The following BICRA variants were observed in gnomAD, a reference collection of about 807,000 sequenced individuals.
BICRA encodes the protein BRD4 interacting chromatin remodeling complex associated protein.
Under a neutral mutation model 96.9 loss-of-function variants are expected in BICRA, and 31 were observed. The ratio of observed to expected loss-of-function variants is 0.32; its 90% CI spans 0.24 to 0.43. The LOEUF (loss-of-function observed/expected upper bound fraction) is 0.43. BICRA is among the 20% of genes least tolerant of loss of function. BICRA has a pLI of 1.00. For missense variants in BICRA, 2,283 were observed against 2,190.3 expected, an observed-to-expected ratio of 1.04 and a Z score of -0.84; for synonymous variants, 1,350 against 1,071.8, an observed-to-expected ratio of 1.26 and a Z score of -5.07.
At chr19:47,634,983 C>T (rs1054471583) in intron 1 of BICRA, among the ~76,000 whole-genome samples, 4 of 151,916 alleles carry the variant, frequency 2.6e-5, no homozygotes, top group South Asian at 2.1e-4. Context: ...AAGATGGTCT[C>T]GATCTCCTGA....
At chr19:47,683,817 C>T (rs889556941) in intron 7 of BICRA, among the ~76,000 whole-genome samples, 1 of 152,168 alleles carries the variant, frequency 6.6e-6, no homozygotes, top group Non-Finnish European at 1.5e-5. Context: ...ATCTCCTGAC[C>T]TCGTTATCCA....
intron 1 of BICRA, among the ~76,000 whole-genome samples, chr19:47,619,229 A>AC (rs1404880711): frequency 7.6e-4 from 36 of 47,160 alleles, no homozygotes; most frequent in South Asian, 2.6e-3. Context: ...TTTTTTCCCA[A>AC]CCCCTTTTTT....
chr19:47,636,135 A>G (rs1052384760), intron 1 of BICRA, among the ~76,000 whole-genome samples: 10 of 152,226 alleles, frequency 6.6e-5, no homozygotes, highest in African/African-American at 2.4e-4. Context: ...ATATGCAAAT[A>G]TTTCAAAACT....
In BICRA at chr19:47,680,147, C is replaced by A; in HGVS notation, c.977C>A (p.Ala326Glu). ...PTGTPSGQPLAVAPGLGSSPL... is the reference protein window; with the variant it reads ...PTGTPSGQPLEVAPGLGSSPL... ...GGGACGCCCTCGGGACAGCCGCTGG[C>A]GGTGGCCCCAGGCCTCGGCTCGTCG... The change falls in exon 6 of 15, where the codon GCG becomes GAG. Residue 326 changes from alanine to glutamate, a missense_variant. Physicochemically the swap from Ala to Glu is moderately radical, Grantham distance 107. Coordinates refer to ENST00000594866, the MANE Select transcript of BICRA (RefSeq NM_001394372.1). 6.6e-7 allele frequency: 1 copy of A among 1,524,974 alleles called. No homozygotes were observed. Among genetic ancestry groups the A allele is most frequent in the Non-Finnish European group, 8.7e-7 (1 of 1,145,748 alleles). 94.5% of individuals were successfully genotyped at this position (1,524,974 alleles called of 1,614,324 possible). A position where few individuals can be genotyped will look rare whatever the true frequency, so the allele number is the denominator to read the frequency against.
rs776784703 is a variant in BICRA, at chr19:47,680,947, G to A, written c.1777G>A (p.Val593Met). 2.0e-6 allele frequency: 3 copies of A among 1,480,886 alleles called. No homozygotes were observed. The highest frequency in any genetic ancestry group is 2.6e-5 in the South Asian group (2 of 76,878). The allele number at this position is 1,480,886 out of a possible 1,614,324, so 91.7% of individuals were successfully genotyped here. A position where few individuals can be genotyped will look rare whatever the true frequency, so the allele number is the denominator to read the frequency against. Residue 593 changes from valine (V) to methionine (M), a missense_variant, in exon 6 of 15, where the codon GTG (valine) becomes ATG (methionine). Val to Met is a conservative substitution (Grantham distance 21). Transcript: ENST00000594866. Reference protein sequence around the residue: ...LQGVTLPPSAVAMLNTPDGLV... With the variant: ...LQGVTLPPSAMAMLNTPDGLV... ...GGGGGTCACCCTGCCCCCCAGCGCC[G>A]TGGCCATGCTCAACACCCCCGACGG...
At chr19:47,656,676 C>T (rs893312580) in intron 1 of BICRA, among the ~76,000 whole-genome samples, 5 of 152,230 alleles carry the variant, frequency 3.3e-5, no homozygotes, top group South Asian at 2.1e-4. Flanking sequence ...AACTGAAGCG[C>T]GCAGCTTGAT....
chr19:47,679,974 C>T lies in BICRA; in HGVS notation c.804C>T (p.Gly268=), dbSNP rs1488178565. 4 of 1,478,358 alleles carry T rather than the reference C, an allele frequency of 2.7e-6. No homozygotes were observed. The highest frequency in any genetic ancestry group is 2.7e-5 in the South Asian group (2 of 75,468). The allele number at this position is 1,478,358 out of a possible 1,614,324, so 91.6% of individuals were successfully genotyped here. ...PVSGYLASAA[G]PSEPVTLASA... ...GCGGCTACCTGGCCTCGGCGGCTGG[C>T]CCCTCGGAGCCCGTGACGCTGGCGT... Residue 268 remains glycine (G), a synonymous_variant, in exon 6 of 15, where the codon GGC becomes GGT. Coordinates refer to ENST00000594866, the MANE Select transcript of BICRA (RefSeq NM_001394372.1).
At position 47,699,574 on chromosome 19, in the gene BICRA, C is replaced by T. The variant is rs530790685; in HGVS notation, c.3595+169C>T. On this transcript the variant is annotated intron_variant, in intron 14 of 14. Transcript: ENST00000594866. The surrounding 1 kb of genome is among the most constrained non-coding windows in gnomAD (Gnocchi z 5.0). ...GGCAGCTGTGCCTCCCCTGACCTCCCGCCTCTCAGACCAGATAGCCCACAT... is the reference window on the plus strand; with the variant it reads ...GGCAGCTGTGCCTCCCCTGACCTCCTGCCTCTCAGACCAGATAGCCCACAT... Among the ~76,000 whole-genome samples, 1 of 152,134 alleles carries T rather than the reference C, an allele frequency of 6.6e-6. No individual in the cohort carries two copies. Among genetic ancestry groups the T allele is most frequent in the Non-Finnish European group, 1.5e-5 (1 of 68,028 alleles).
Position 47,702,437 on chromosome 19 carries a change from C to T in BICRA, c.*22C>T. ...ATAACACCGGGCCGCCTCCCCTTCC[C>T]CGTCCCCTCCTCCCGAAGACGCCGG... On this transcript the variant is annotated 3_prime_UTR_variant, in exon 15 of 15. Coordinates refer to ENST00000594866, the MANE Select transcript of BICRA (RefSeq NM_001394372.1). 1 of 1,459,736 alleles carries T rather than the reference C, an allele frequency of 6.9e-7. No individual in the cohort carries two copies. Among genetic ancestry groups the T allele is most frequent in the Non-Finnish European group, 8.9e-7 (1 of 1,120,566 alleles). The allele number at this position is 1,459,736 out of a possible 1,614,324, so 90.4% of individuals were successfully genotyped here. A position where few individuals can be genotyped will look rare whatever the true frequency, so the allele number is the denominator to read the frequency against.
Position 47,652,244 on chromosome 19 carries a change from C to T in BICRA, c.-107-18199C>T, listed in dbSNP as rs911191026. Among the ~76,000 whole-genome samples the T allele has an allele frequency of 1.4e-4, 21 of 151,994 alleles. 1 individual carries two copies. Among genetic ancestry groups the T allele is most frequent in the Non-Finnish European group, 4.4e-5 (3 of 67,982 alleles). On this transcript the variant is annotated intron_variant, in intron 1 of 14. Transcript: ENST00000594866. ...AAGGTCACCCAGGCTGGAGTGCAAT[C>T]GTGTGACCATGGCTCACTGCAGCCT...
chr19:47,656,147 C>T (rs914990543), intron 1 of BICRA, among the ~76,000 whole-genome samples: 14 of 150,730 alleles, frequency 9.3e-5, no homozygotes, highest in Non-Finnish European at 1.8e-4. Context: ...ATTAGCCAAG[C>T]GTGATGGCGC....
At chr19:47,676,603 C>A (rs866702500) in intron 5 of BICRA, among the ~76,000 whole-genome samples, 1 of 131,534 alleles carries the variant, frequency 7.6e-6, no homozygotes, top group African/African-American at 2.9e-5. Flanking sequence ...CTCCTTCCCC[C>A]CCTCACCCTC....
chr19:47,689,624 C>T (rs1973211066), intron 7 of BICRA, among the ~76,000 whole-genome samples: 1 of 152,176 alleles, frequency 6.6e-6, no homozygotes, highest in African/African-American at 2.4e-5. Flanking sequence ...GTTGGCCAGG[C>T]TGGTCTTGAA....
Position 47,679,453 on chromosome 19 carries a change from G to C in BICRA, c.283G>C (p.Gly95Arg). ...PATGGGGGGS[G>R]GADQPCDILQ... is the part of the protein sequence containing the mutation. ...GACAGGGGGCGGCGGCGGGGGCAGT[G>C]GGGGCGCTGACCAGCCCTGTGACAT... Residue 95 changes from glycine (G) to arginine (R), a missense_variant, in exon 6 of 15, where the codon GGG becomes CGG. By Grantham distance (125) the Gly-to-Arg change is moderately radical. Transcript: ENST00000594866. The C allele has an allele frequency of 6.6e-7, 1 of 1,511,004 alleles. No homozygotes were observed. The highest frequency in any genetic ancestry group is 8.9e-7 in the Non-Finnish European group (1 of 1,129,320). 93.6% of individuals were successfully genotyped at this position (1,511,004 alleles called of 1,614,324 possible).
chr19:47,645,485 C>T (rs147548680), intron 1 of BICRA, among the ~76,000 whole-genome samples: 138 of 152,126 alleles, frequency 9.1e-4, no homozygotes, highest in African/African-American at 2.9e-3. Flanking sequence ...CTGGACAACC[C>T]GCTGCATTCA....
chr19:47,617,191 G>T (rs1280438512), intron 1 of BICRA, among the ~76,000 whole-genome samples: 1 of 152,038 alleles, frequency 6.6e-6, no homozygotes, highest in Non-Finnish European at 1.5e-5. Context: ...GCTCAGGCTG[G>T]TCTCCAACTT....
chr19:47,668,323 T>C lies in BICRA; in HGVS notation c.-107-2120T>C, dbSNP rs115235463. On this transcript the variant is annotated intron_variant, in intron 1 of 14. Transcript: ENST00000594866. ...GCGAACATTGGTAACCCCAAAACGG[T>C]GCTGATCATTTGCAGAAGTGGGTAG... Among the ~76,000 whole-genome samples the C allele has an allele frequency of 6.6e-3, 1,011 of 152,184 alleles. 9 individuals carry two copies. Among genetic ancestry groups the C allele is most frequent in the African/African-American group, 0.023 (937 of 41,534 alleles).
At chr19:47,681,913 G>C in intron 6 of BICRA, 63 bp from the exon 7 acceptor site, 1 of 1,139,770 alleles carries the variant, frequency 8.8e-7, no homozygotes, top group Non-Finnish European at 1.2e-6. Flanking sequence ...CAGGGGTCTC[G>C]GGTGGGGAGG....
intron 1 of BICRA, among the ~76,000 whole-genome samples, chr19:47,646,750 G>A (rs1218493165): frequency 3.9e-5 from 6 of 152,132 alleles, no homozygotes; most frequent in Non-Finnish European, 8.8e-5. Context: ...CAATTATAAA[G>A]TAACACTCTC....
Sources: allele counts gnomAD v4.1 joint callset (sites outside exome capture counted in the v4.1 genomes callset), GRCh38; gene constraint gnomAD v4.1.1; non-coding constraint Gnocchi (gnomAD v3.1); transcripts MANE v1.5; gene names NCBI Gene and HGNC (gene_info 2026-07-23, HGNC 2026-07-21).